Variants in PDZD2 observed in about 807,000 individuals in gnomAD.
PDZD2 encodes the protein PDZ domain-containing protein 2.
PDZD2 carries 90 observed loss-of-function variants against 220.7 expected under a neutral mutation model. The ratio of observed to expected loss-of-function variants is 0.41; its 90% CI spans 0.34 to 0.49. PDZD2 has a LOEUF of 0.49. Ranked by LOEUF, PDZD2 falls within the 20% of genes least tolerant of loss-of-function variation. The probability of loss-of-function intolerance (pLI) is 0.28; values close to 1 mark genes in which losing one functional copy is unlikely to be tolerated. For missense variants in PDZD2, 3,174 were observed against 3,608.5 expected (o/e 0.88, Z 3.08); for synonymous variants, 1,375 against 1,450.5 (o/e 0.95, Z 1.18).
At chr5:31,645,486 G>A (rs1303471945) in intron 1 of PDZD2, among the ~76,000 whole-genome samples, 7 of 152,112 alleles carry the variant, frequency 4.6e-5, no homozygotes, top group Admixed American at 2.6e-4. Context: ...ACAGGTGCGT[G>A]CCACCACACC....
chr5:32,048,674 G>A lies in PDZD2; in HGVS notation c.1655G>A (p.Ser552Asn). 6.2e-7 allele frequency: 1 copy of A among 1,614,054 alleles called. No individual in the cohort carries two copies. The highest frequency in any genetic ancestry group is 8.5e-7 in the Non-Finnish European group (1 of 1,179,968). The part of the protein sequence containing the change: ...HSLPQLLDSS[S>N]ASQEYHIVKK... Reference sequence around the variant, plus strand: ...CTCCCGCAGCTGCTGGACTCTTCCAGTGCCTCACAGGTCCGACCAGGGCTG... The same window carrying A: ...CTCCCGCAGCTGCTGGACTCTTCCAATGCCTCACAGGTCCGACCAGGGCTG... Residue 552 changes from serine to asparagine, a missense_variant, in exon 8 of 25, where the codon AGT becomes AAT. Physicochemically the swap from Ser to Asn is conservative, Grantham distance 46. Around this residue, in one of 4 missense-constraint regions of PDZD2, gnomAD observed 632 missense variants for 708.1 expected, o/e 0.89. Coordinates refer to ENST00000438447, the MANE Select transcript of PDZD2 (RefSeq NM_178140.4).
At chr5:31,785,598 A>G (rs932390758) in intron 1 of PDZD2, among the ~76,000 whole-genome samples, 1 of 151,770 alleles carries the variant, frequency 6.6e-6, no homozygotes, top group African/African-American at 2.4e-5. Flanking sequence ...GCAGCACCAG[A>G]CCCAGCTAAT....
chr5:32,096,919 G>A (rs1437224373), intron 21 of PDZD2, among the ~76,000 whole-genome samples: 4 of 138,234 alleles, frequency 2.9e-5, no homozygotes, highest in African/African-American at 1.1e-4. Context: ...CACTGCAGCC[G>A]TGACCTTCCG....
chr5:31,850,140 ATATAAG>A (rs1257502864), intron 2 of PDZD2, among the ~76,000 whole-genome samples: 11 of 97,698 alleles, frequency 1.1e-4, no homozygotes, highest in South Asian at 1.1e-3. Context: ...GTGTGTATAT[ATATAAG>A]TATATATGTG....
intron 1 of PDZD2, among the ~76,000 whole-genome samples, chr5:31,732,885 C>T (rs1165037886): frequency 3.3e-5 from 5 of 152,084 alleles, no homozygotes; most frequent in African/African-American, 4.8e-5. Flanking sequence ...GGAGCCACCA[C>T]GCTCCGCTAA....
chr5:31,803,610 G>T (rs1754534425), intron 2 of PDZD2, among the ~76,000 whole-genome samples: 2 of 151,992 alleles, frequency 1.3e-5, no homozygotes, highest in Non-Finnish European at 2.9e-5. Flanking sequence ...AGATAATTGG[G>T]TATGGCTCTG....
intron 18 of PDZD2, 125 bp downstream of exon 18, chr5:32,074,768 T>C (rs1741129736): frequency 1.5e-6 from 1 of 656,866 alleles, no homozygotes; most frequent in Non-Finnish European, 2.6e-6. Context: ...GAATTATCTT[T>C]CAACAGAGTC....
At chr5:31,654,496 C>T (rs1388161205) in intron 1 of PDZD2, among the ~76,000 whole-genome samples, 2 of 152,010 alleles carry the variant, frequency 1.3e-5, no homozygotes, top group Non-Finnish European at 2.9e-5. Flanking sequence ...ATCCGTAAGC[C>T]GAGAACTCCC....
At chr5:31,753,307 G>A (rs1161101283) in intron 1 of PDZD2, among the ~76,000 whole-genome samples, 1 of 152,232 alleles carries the variant, frequency 6.6e-6, no homozygotes, top group African/African-American at 2.4e-5. Flanking sequence ...GGAGGCAATA[G>A]GGAGTGGTGG....
intron 2 of PDZD2, among the ~76,000 whole-genome samples, chr5:31,949,971 C>A (rs1376141321): frequency 6.6e-6 from 1 of 152,024 alleles, no homozygotes; most frequent in Non-Finnish European, 1.5e-5. Context: ...CGTGAGCCAC[C>A]ATGCCCGGCT....
chr5:31,985,419 G>C (rs1047081057), intron 3 of PDZD2, among the ~76,000 whole-genome samples: 2 of 152,216 alleles, frequency 1.3e-5, no homozygotes, highest in African/African-American at 4.8e-5. Flanking sequence ...AAAGGGCCAG[G>C]TGCAGGGGCT....
intron 19 of PDZD2, among the ~76,000 whole-genome samples, chr5:32,079,424 A>G: frequency 6.6e-6 from 1 of 151,710 alleles, no homozygotes; most frequent in East Asian, 1.9e-4. Flanking sequence ...GCTGGTTGTT[A>G]CTGTCTCAGC....
At chr5:31,880,385 G>A (rs1237954483) in intron 2 of PDZD2, among the ~76,000 whole-genome samples, 4 of 152,312 alleles carry the variant, frequency 2.6e-5, no homozygotes, top group African/African-American at 9.6e-5. Context: ...CACGTGGATT[G>A]CCCATGTCTC....
chr5:31,838,143 C>T (rs144523908), intron 2 of PDZD2, among the ~76,000 whole-genome samples: 15 of 152,224 alleles, frequency 9.9e-5, no homozygotes, highest in South Asian at 4.2e-4. Context: ...CTGTAACCTC[C>T]GCCTCCAGGG....
At chr5:31,699,523 T>G (rs958470810) in intron 1 of PDZD2, among the ~76,000 whole-genome samples, 6 of 151,982 alleles carry the variant, frequency 3.9e-5, no homozygotes, top group Non-Finnish European at 5.9e-5. Context: ...CTGAAGCAGG[T>G]GGATCACTTG....
At chr5:31,642,481 A>G (rs1744985383) in intron 1 of PDZD2, among the ~76,000 whole-genome samples, 1 of 152,216 alleles carries the variant, frequency 6.6e-6, no homozygotes, top group South Asian at 2.1e-4. Context: ...CTGCAAGGGA[A>G]GAAGGAGACA....
At position 31,891,400 on chromosome 5, in the gene PDZD2, T is replaced by A. The variant is rs529761185; in HGVS notation, c.476+91676T>A. 8.5e-5 allele frequency among the ~76,000 whole-genome samples: 13 copies of A among 152,154 alleles called. No individual in the cohort carries two copies. The East Asian group carries it at 2.3e-3, about 27-fold the overall frequency. On this transcript the variant is annotated intron_variant, in intron 2 of 24. Transcript: ENST00000438447. ...GGCATGGTCTCGGCTCACCGCAACT[T>A]CGCCTCCCAGGTTCAAGTGATTCTC...
At position 31,712,481 on chromosome 5, in the gene PDZD2, TCC is replaced by T. The variant is rs1347657996; in HGVS notation, c.-361+73048_-361+73049del. On this transcript the variant is annotated intron_variant, in intron 1 of 24. Coordinates refer to ENST00000438447, the MANE Select transcript of PDZD2 (RefSeq NM_178140.4). Reference sequence around the variant, plus strand: ...CTCTCTCTCTCTCTCTCTCTCTCTCTCCCCCTCTCTCCCTCTCCCTATAGTCA... The same window carrying T: ...CTCTCTCTCTCTCTCTCTCTCTCTCTCCCTCTCTCCCTCTCCCTATAGTCA... 1.1e-3 allele frequency among the ~76,000 whole-genome samples: 64 copies of T among 58,978 alleles called. No homozygotes were observed. In the Admixed American group the frequency reaches 0.011, roughly 10 times the overall value. The allele number at this position is 58,978 out of a possible 152,430, so 38.7% of individuals were successfully genotyped here. A position where few individuals can be genotyped will look rare whatever the true frequency, so the allele number is the denominator to read the frequency against.
In PDZD2 at chr5:32,048,431, C is replaced by T. The variant is rs1738189524; in HGVS notation, c.1520-108C>T. ...TTTGAGTGTATTGGACGCTAGGCTT[C>T]TCAAAACCATGAAGGTGGGTGTAAA... On this transcript the variant is annotated intron_variant, in intron 7 of 24. Coordinates refer to ENST00000438447, the MANE Select transcript of PDZD2 (RefSeq NM_178140.4). 3 of 905,320 alleles carry T rather than the reference C, an allele frequency of 3.3e-6. No individual in the cohort carries two copies. In the African/African-American group the frequency reaches 4.9e-5, roughly 15 times the overall value. 56.1% of individuals were successfully genotyped at this position (905,320 alleles called of 1,614,324 possible). A position where few individuals can be genotyped will look rare whatever the true frequency, so the allele number is the denominator to read the frequency against.
Sources: allele counts gnomAD v4.1 joint callset (sites outside exome capture counted in the v4.1 genomes callset), GRCh38; gene constraint gnomAD v4.1.1; regional missense constraint gnomAD v4.1.1; transcripts MANE v1.5; gene names NCBI Gene and HGNC (gene_info 2026-07-23, HGNC 2026-07-21).